The following LRP1B variants were observed in gnomAD, a reference collection of about 807,000 sequenced individuals.
LRP1B encodes the protein LDL receptor related protein 1B.
In LRP1B, 217 loss-of-function variants were observed where a neutral mutation model predicts 556.6. That is an observed-to-expected ratio of 0.39 (90% CI 0.35 to 0.44). The LOEUF (loss-of-function observed/expected upper bound fraction) is 0.44. Ranked by LOEUF, LRP1B falls within the 20% of genes least tolerant of loss-of-function variation. The pLI is 1.00. For missense variants in LRP1B, 5,053 were observed against 5,620.8 expected (o/e 0.90, Z 3.23); for synonymous variants, 2,047 against 1,865.8 (o/e 1.10, Z -2.50).
chr2:140,270,220 C>T (rs2104943544), intron 86 of LRP1B, 22 bp downstream of exon 86: 3 of 1,557,226 alleles, frequency 1.9e-6, no homozygotes, highest in Non-Finnish European at 8.9e-7. Context: ...ATAAGATGCC[C>T]ATGACTTGAT....
chr2:141,497,655 C>T (rs577609115), intron 2 of LRP1B, among the ~76,000 whole-genome samples: 34 of 152,018 alleles, frequency 2.2e-4, no homozygotes, highest in South Asian at 8.3e-4. Context: ...ATTTTCCCTA[C>T]GATTGAAAAG....
intron 86 of LRP1B, among the ~76,000 whole-genome samples, chr2:140,257,457 T>C (rs1002953293): frequency 6.6e-6 from 1 of 152,166 alleles, no homozygotes; most frequent in Non-Finnish European, 1.5e-5. Context: ...AGCTGCTTGA[T>C]AATAGCTGCC....
chr2:140,764,463 G>A (rs1473951068), intron 35 of LRP1B, among the ~76,000 whole-genome samples: 1 of 152,048 alleles, frequency 6.6e-6, no homozygotes, highest in Non-Finnish European at 1.5e-5. Flanking sequence ...TCATGAGGGA[G>A]TGCTACAAAT....
Position 141,312,566 on chromosome 2 carries a change from T to C in LRP1B, c.344-57925A>G, listed in dbSNP as rs150779198. ...TAAAAGGTCAACGGTACTTAAGTGG[T>C]TGTGACAAGAATACTTGTCTATGGT... On this transcript the variant is annotated intron_variant, in intron 3 of 90. Coordinates refer to ENST00000389484, the MANE Select transcript of LRP1B (RefSeq NM_018557.3). Among the ~76,000 whole-genome samples the C allele has an allele frequency of 1.4e-3, 219 of 152,290 alleles. 1 individual carries two copies. The highest frequency in any genetic ancestry group is 4.9e-3 in the African/African-American group (203 of 41,546).
chr2:140,648,264 G>C (rs1362678382), intron 41 of LRP1B, among the ~76,000 whole-genome samples: 1 of 151,666 alleles, frequency 6.6e-6, no homozygotes, highest in Non-Finnish European at 1.5e-5. Context: ...ACAGGGTGGG[G>C]AACGTCACAC....
chr2:140,662,230 T>C (rs1010994063), intron 41 of LRP1B, among the ~76,000 whole-genome samples: 2 of 151,978 alleles, frequency 1.3e-5, no homozygotes, highest in African/African-American at 2.4e-5. Context: ...TTGACTACAT[T>C]TGTATGAGGT....
intron 11 of LRP1B, among the ~76,000 whole-genome samples, chr2:141,038,097 C>T (rs1373909106): frequency 6.7e-6 from 1 of 150,146 alleles, no homozygotes. Context: ...CTAGCAGGGA[C>T]ATATAGATAT....
chr2:141,209,008 G>T (rs1050803746), intron 6 of LRP1B, among the ~76,000 whole-genome samples: 6 of 150,898 alleles, frequency 4.0e-5, no homozygotes, highest in African/African-American at 1.5e-4. Context: ...TATTTGGGAT[G>T]CTAATATGTA....
chr2:141,697,514 C>T (rs369024482), intron 2 of LRP1B, among the ~76,000 whole-genome samples: 5 of 151,710 alleles, frequency 3.3e-5, no homozygotes, highest in African/African-American at 7.3e-5. Flanking sequence ...TATTAGACTA[C>T]CTGAAGAAGC....
intron 66 of LRP1B, among the ~76,000 whole-genome samples, chr2:140,414,656 C>A (rs1053217056): frequency 1.3e-5 from 2 of 152,282 alleles, no homozygotes; most frequent in South Asian, 2.1e-4. Flanking sequence ...TTTATAATTT[C>A]TTATGCCTGT....
intron 35 of LRP1B, among the ~76,000 whole-genome samples, chr2:140,724,758 C>T (rs1687528677): frequency 1.3e-5 from 2 of 151,912 alleles, no homozygotes; most frequent in African/African-American, 4.8e-5. Context: ...AATATAAAGT[C>T]ATAGTACTAA....
intron 89 of LRP1B, among the ~76,000 whole-genome samples, chr2:140,237,607 T>C (rs900142883): frequency 2.0e-5 from 3 of 150,818 alleles, no homozygotes; most frequent in African/African-American, 7.3e-5. Context: ...AACCACACTG[T>C]AAGGAATACT....
At chr2:142,054,383 G>T (rs1394039354) in intron 1 of LRP1B, among the ~76,000 whole-genome samples, 1 of 152,002 alleles carries the variant, frequency 6.6e-6, no homozygotes, top group Non-Finnish European at 1.5e-5. Context: ...CCCACTACTA[G>T]TCTTATTTTT....
chr2:141,741,263 C>CTTTTTTTTTTTTTTTTT lies in LRP1B; in HGVS notation c.205+68999_205+69015dup, dbSNP rs11326947. On this transcript the variant is annotated intron_variant, in intron 2 of 90. Coordinates refer to ENST00000389484, the MANE Select transcript of LRP1B (RefSeq NM_018557.3). ...GTTATCTCTTCAGTATACTGATTTC[C>CTTTTTTTTTTTTTTTTT]TTTTTTTTTTTTTTTTTTTTTTTTT... 6.9e-5 allele frequency among the ~76,000 whole-genome samples: 4 copies of CTTTTTTTTTTTTTTTTT among 57,988 alleles called. 1 individual carries two copies. Among genetic ancestry groups the CTTTTTTTTTTTTTTTTT allele is most frequent in the Non-Finnish European group, 9.8e-5 (3 of 30,582 alleles). The allele number at this position is 57,988 out of a possible 152,430, so 38.0% of individuals were successfully genotyped here.
intron 6 of LRP1B, among the ~76,000 whole-genome samples, chr2:141,200,735 A>C (rs1573641997): frequency 1.3e-5 from 2 of 152,178 alleles, no homozygotes; most frequent in African/African-American, 4.8e-5. Context: ...GTGACTTATC[A>C]GTGCACTGTC....
intron 2 of LRP1B, among the ~76,000 whole-genome samples, chr2:141,646,743 G>T (rs901710264): frequency 6.6e-6 from 1 of 152,118 alleles, no homozygotes; most frequent in East Asian, 1.9e-4. Flanking sequence ...AAAATTCTGG[G>T]GAGGCTTCAC....
At chr2:141,664,294 G>A (rs1412303044) in intron 2 of LRP1B, among the ~76,000 whole-genome samples, 1 of 152,140 alleles carries the variant, frequency 6.6e-6, no homozygotes, top group Non-Finnish European at 1.5e-5. Context: ...TTGAAAACCA[G>A]CAGAACACAA....
intron 2 of LRP1B, among the ~76,000 whole-genome samples, chr2:141,603,278 T>A (rs1687814085): frequency 6.6e-6 from 1 of 152,210 alleles, no homozygotes; most frequent in Non-Finnish European, 1.5e-5. Context: ...AGAAAACCTG[T>A]GTCAATAATT....
chr2:141,682,905 T>G (rs980985831), intron 2 of LRP1B, among the ~76,000 whole-genome samples: 3 of 152,196 alleles, frequency 2.0e-5, no homozygotes, highest in Non-Finnish European at 4.4e-5. Context: ...TGTTATATTT[T>G]GCAAATAGAT....
Sources: allele counts gnomAD v4.1 joint callset (sites outside exome capture counted in the v4.1 genomes callset), GRCh38; gene constraint gnomAD v4.1.1; transcripts MANE v1.5; gene names NCBI Gene and HGNC (gene_info 2026-07-23, HGNC 2026-07-21).